Variants in FBXL7 observed in about 807,000 individuals in gnomAD.
FBXL7 encodes the protein F-box/LRR-repeat protein 7.
In FBXL7, 12 loss-of-function variants were observed where a neutral mutation model predicts 38.3. The observed-to-expected ratio is 0.31, with a 90% CI of 0.20 to 0.51. FBXL7 has a LOEUF of 0.51. Among genes scored for constraint, FBXL7 ranks in the 20% least tolerant of loss-of-function variants. The pLI, the probability that FBXL7 is intolerant of heterozygous loss-of-function variation, is 0.98. For missense variants in FBXL7, 567 were observed against 676.4 expected (o/e 0.84, Z 1.79); for synonymous variants, 297 against 300.9 (o/e 0.99, Z 0.13).
At chr5:15,668,310 T>A (rs1742351192) in intron 2 of FBXL7, among the ~76,000 whole-genome samples, 3 of 152,118 alleles carry the variant, frequency 2.0e-5, no homozygotes, top group Admixed American at 2.0e-4. Flanking sequence ...CTCAAGATCA[T>A]GTCAAAACCT....
At chr5:15,557,647 T>C (rs1433976282) in intron 1 of FBXL7, among the ~76,000 whole-genome samples, 1 of 152,186 alleles carries the variant, frequency 6.6e-6, no homozygotes, top group East Asian at 1.9e-4. Flanking sequence ...TAAGGAGGCC[T>C]GAAGACTGCA....
At chr5:15,543,018 AAT>A (rs1379207244) in intron 1 of FBXL7, among the ~76,000 whole-genome samples, 1 of 152,186 alleles carries the variant, frequency 6.6e-6, no homozygotes, top group Admixed American at 6.5e-5. Flanking sequence ...TGAAGTTACA[AAT>A]ATAGATTTAA....
At chr5:15,857,011 A>G (rs1739292131) in intron 2 of FBXL7, among the ~76,000 whole-genome samples, 1 of 152,200 alleles carries the variant, frequency 6.6e-6, no homozygotes, top group South Asian at 2.1e-4. Context: ...CCCAAGACTA[A>G]AAGTATGAAC....
chr5:15,729,556 T>A (rs1735517148), intron 2 of FBXL7, among the ~76,000 whole-genome samples: 1 of 152,158 alleles, frequency 6.6e-6, no homozygotes, highest in Non-Finnish European at 1.5e-5. Flanking sequence ...TAAAACTTCA[T>A]GCACAAACTT....
At chr5:15,748,616 T>G (rs535184767) in intron 2 of FBXL7, among the ~76,000 whole-genome samples, 2 of 152,348 alleles carry the variant, frequency 1.3e-5, no homozygotes, top group South Asian at 4.1e-4. Flanking sequence ...TATGAGTCCC[T>G]TAAACCTCTT....
intron 2 of FBXL7, among the ~76,000 whole-genome samples, chr5:15,858,606 T>C (rs1207567092): frequency 6.6e-6 from 1 of 152,170 alleles, no homozygotes; most frequent in Non-Finnish European, 1.5e-5. Context: ...AATTATCTAA[T>C]GTGCACATTT....
intron 2 of FBXL7, among the ~76,000 whole-genome samples, chr5:15,698,819 C>T (rs569918871): frequency 3.9e-5 from 6 of 152,180 alleles, no homozygotes; most frequent in South Asian, 2.1e-4. Context: ...TAGTTAACTC[C>T]GAATCAAATT....
chr5:15,857,870 T>C (rs1739316899), intron 2 of FBXL7, among the ~76,000 whole-genome samples: 2 of 152,054 alleles, frequency 1.3e-5, no homozygotes, highest in South Asian at 4.1e-4. Flanking sequence ...TTGTAAATGC[T>C]ACAGCATCTG....
chr5:15,532,359 G>T (rs955591361), intron 1 of FBXL7, among the ~76,000 whole-genome samples: 1 of 152,162 alleles, frequency 6.6e-6, no homozygotes, highest in African/African-American at 2.4e-5. Flanking sequence ...GAACTAATTG[G>T]TTGTTAAGAG....
chr5:15,704,322 CAA>C (rs746704261), intron 2 of FBXL7, among the ~76,000 whole-genome samples: 52 of 152,252 alleles, frequency 3.4e-4, no homozygotes, highest in Admixed American at 1.1e-3. Context: ...CTTGGAAATT[CAA>C]AGACTATATA....
At chr5:15,572,411 T>C (rs1027713679) in intron 1 of FBXL7, among the ~76,000 whole-genome samples, 2 of 135,846 alleles carry the variant, frequency 1.5e-5, no homozygotes, top group South Asian at 2.4e-4. Flanking sequence ...AAAAAAAAAA[T>C]CTTGTTCAGG....
rs138130847 is a variant in FBXL7 at position 15,841,874 on chromosome 5, G to T, written c.128-86016G>T. On this transcript the variant is annotated intron_variant, in intron 2 of 3. Coordinates refer to ENST00000504595, the MANE Select transcript of FBXL7 (RefSeq NM_012304.5). ...CAAGAATTGAGGTTTGGGAACCTTT[G>T]TCTAGATTTCAGAGGATGTATGGAA... Among the ~76,000 whole-genome samples, 525 of 152,306 alleles carry T rather than the reference G, an allele frequency of 3.4e-3. 1 individual carries two copies. Among genetic ancestry groups the T allele is most frequent in the African/African-American group, 0.012 (494 of 41,554 alleles).
chr5:15,633,329 A>G (rs1186203097), intron 2 of FBXL7, among the ~76,000 whole-genome samples: 2 of 152,154 alleles, frequency 1.3e-5, no homozygotes, highest in Non-Finnish European at 2.9e-5. Flanking sequence ...ACTTGATCAA[A>G]ATTCAATTAT....
chr5:15,567,459 T>C (rs1738619112), intron 1 of FBXL7, among the ~76,000 whole-genome samples: 2 of 152,212 alleles, frequency 1.3e-5, no homozygotes. Flanking sequence ...AGTGAAACAG[T>C]GTGAGTTGAA....
intron 2 of FBXL7, among the ~76,000 whole-genome samples, chr5:15,741,238 CA>C (rs1735885977): frequency 1.3e-5 from 2 of 152,126 alleles, no homozygotes; most frequent in African/African-American, 4.8e-5. Flanking sequence ...TGCATATTTT[CA>C]CAATAGTCTT....
At chr5:15,724,962 T>C (rs1333169413) in intron 2 of FBXL7, among the ~76,000 whole-genome samples, 1 of 152,162 alleles carries the variant, frequency 6.6e-6, no homozygotes, top group Non-Finnish European at 1.5e-5. Flanking sequence ...GGCATGGCTG[T>C]GTTCCAATAA....
At chr5:15,549,035 A>G (rs1049801706) in intron 1 of FBXL7, among the ~76,000 whole-genome samples, 43 of 152,288 alleles carry the variant, frequency 2.8e-4, no homozygotes, top group African/African-American at 1.0e-3. Flanking sequence ...TGTGGGCAAA[A>G]TATGGGGGAG....
chr5:15,842,114 CACAG>C (rs1738765374), intron 2 of FBXL7, among the ~76,000 whole-genome samples: 1 of 152,212 alleles, frequency 6.6e-6, no homozygotes, highest in Non-Finnish European at 1.5e-5. Flanking sequence ...CTGGAAAAGC[CACAG>C]ACACTCAACG....
intron 2 of FBXL7, among the ~76,000 whole-genome samples, chr5:15,729,399 A>C (rs961476251): frequency 6.6e-6 from 1 of 152,130 alleles, no homozygotes; most frequent in Non-Finnish European, 1.5e-5. Context: ...AGGCCTATCA[A>C]CCCAATGACT....
Sources: gnomAD v4.1 joint callset for allele counts (sites outside exome capture counted in the v4.1 genomes callset) on GRCh38, gnomAD v4.1.1 for gene constraint, MANE v1.5 for transcripts, NCBI Gene and HGNC (gene_info 2026-07-23, HGNC 2026-07-21) for gene names.